Variants in ATXN10 observed in about 807,000 individuals in gnomAD.
ATXN10 encodes the protein ataxin-10.
Under a neutral mutation model 52.9 loss-of-function variants are expected in ATXN10, and 28 were observed. The ratio of observed to expected loss-of-function variants is 0.53; its 90% CI spans 0.39 to 0.73. The LOEUF (loss-of-function observed/expected upper bound fraction) is 0.73, where lower values mean the gene tolerates loss of function less well. Among genes scored for constraint, ATXN10 ranks in the 30% least tolerant of loss-of-function variants. ATXN10 has a pLI of 0.00. For synonymous variants in ATXN10, 226 were observed against 221.5 expected, an observed-to-expected ratio of 1.02 and a Z score of -0.18; for missense variants, 565 against 577.0, an observed-to-expected ratio of 0.98 and a Z score of 0.21.
chr22:45,706,723 A>G (rs1924056341), intron 5 of ATXN10, among the ~76,000 whole-genome samples: 1 of 3,622 alleles, frequency 2.8e-4, no homozygotes, highest in Non-Finnish European at 6.2e-4. Flanking sequence ...CCATGTGGCC[A>G]GAGAACCCAC....
chr22:45,717,129 G>A (rs915179361), intron 5 of ATXN10, among the ~76,000 whole-genome samples: 2 of 151,874 alleles, frequency 1.3e-5, no homozygotes, highest in Non-Finnish European at 2.9e-5. Context: ...AGGGATTGGC[G>A]AAATACCTCC....
intron 10 of ATXN10, among the ~76,000 whole-genome samples, chr22:45,830,338 A>G (rs1419654085): frequency 6.6e-6 from 1 of 152,274 alleles, no homozygotes; most frequent in Non-Finnish European, 1.5e-5. Context: ...AAAAGGAAAA[A>G]TGATAAATTG....
Position 45,781,631 on chromosome 22 carries a change from A to T in ATXN10, c.1174-25328A>T, listed in dbSNP as rs1927153279. 6.6e-6 allele frequency among the ~76,000 whole-genome samples: 1 copy of T among 152,240 alleles called. No homozygotes were observed. Among genetic ancestry groups the T allele is most frequent in the South Asian group, 2.1e-4 (1 of 4,838 alleles). On this transcript the variant is annotated intron_variant, in intron 9 of 11. Coordinates refer to ENST00000252934, the MANE Select transcript of ATXN10 (RefSeq NM_013236.4). The surrounding 1 kb of genome is among the most constrained non-coding windows in gnomAD (Gnocchi z 4.2). Reference sequence around the variant, plus strand: ...TTAAGTGAGCAAAGGCAGTCAACAGATGCCAATACCAAGATGATGACATGG... The same window carrying T: ...TTAAGTGAGCAAAGGCAGTCAACAGTTGCCAATACCAAGATGATGACATGG...
chr22:45,823,715 A>G lies in ATXN10; in HGVS notation c.1237+16693A>G, dbSNP rs1928727472. 6.6e-6 allele frequency among the ~76,000 whole-genome samples: 1 copy of G among 152,152 alleles called. No individual in the cohort carries two copies. Among genetic ancestry groups the G allele is most frequent in the Admixed American group, 6.5e-5 (1 of 15,280 alleles). On this transcript the variant is annotated intron_variant, in intron 10 of 11. Coordinates refer to ENST00000252934, the MANE Select transcript of ATXN10 (RefSeq NM_013236.4). This position sits in a 1 kb window ranked among gnomAD's most constrained non-coding sequence, Gnocchi z 4.9. ...GGATTCAGTCAGTTGCTGTATCATT[A>G]TGTTCATGGATTTATTCGGCAGGTG...
chr22:45,819,315 T>G lies in ATXN10; in HGVS notation c.1237+12293T>G, dbSNP rs550841940. 4.6e-5 allele frequency among the ~76,000 whole-genome samples: 7 copies of G among 152,352 alleles called. No individual in the cohort carries two copies. Among genetic ancestry groups the G allele is most frequent in the Non-Finnish European group, 1.0e-4 (7 of 68,038 alleles). On this transcript the variant is annotated intron_variant, in intron 10 of 11. Coordinates refer to ENST00000252934, the MANE Select transcript of ATXN10 (RefSeq NM_013236.4). The surrounding 1 kb of genome is among the most constrained non-coding windows in gnomAD (Gnocchi z 4.5). ...GTATCTGATGTATAAGATCAGATCA[T>G]AAGCCTAAAGTAGCCTAAAGTATCA...
In ATXN10 at chr22:45,728,722, AGGAGAAG is replaced by A. The variant is rs945836058; in HGVS notation, c.729-701_729-695del. Among the ~76,000 whole-genome samples, 1 of 152,244 alleles carries A rather than the reference AGGAGAAG, an allele frequency of 6.6e-6. No homozygotes were observed. Among genetic ancestry groups the A allele is most frequent in the African/African-American group, 2.4e-5 (1 of 41,462 alleles). Reference sequence around the variant, plus strand: ...GACCTATGTGTGATTCATTTTTCCTAGGAGAAGGAAAGAGATGGTTGAAAAGAAATAT... The same window carrying A: ...GACCTATGTGTGATTCATTTTTCCTAGAAAGAGATGGTTGAAAAGAAATAT... On this transcript the variant is annotated intron_variant, in intron 6 of 11. Transcript: ENST00000252934. The surrounding 1 kb of genome is among the most constrained non-coding windows in gnomAD (Gnocchi z 4.3).
chr22:45,843,216 T>C lies in ATXN10; in HGVS notation c.1425+38T>C. ...GAGGGAACTGTCCTTCCCTTTGGTT[T>C]GTAGAAAGCTGTTTCCACTTCCCCA... On this transcript the variant is annotated intron_variant, in intron 11 of 11. Coordinates refer to ENST00000252934, the MANE Select transcript of ATXN10 (RefSeq NM_013236.4). This position sits in a 1 kb window ranked among gnomAD's most constrained non-coding sequence, Gnocchi z 4.5. The C allele has an allele frequency of 6.2e-7, 1 of 1,606,204 alleles. No individual in the cohort carries two copies. The highest frequency in any genetic ancestry group is 8.5e-7 in the Non-Finnish European group (1 of 1,173,382).
chr22:45,673,344 C>CT (rs1395523665), intron 1 of ATXN10: 2 of 152,232 alleles, frequency 1.3e-5, no homozygotes, highest in East Asian at 3.8e-4. Flanking sequence ...CCTAGGTGAT[C>CT]ACTAGAGGAC....
Position 45,824,439 on chromosome 22 carries a change from C to T in ATXN10, c.1237+17417C>T, listed in dbSNP as rs2046061489. 6.6e-6 allele frequency among the ~76,000 whole-genome samples: 1 copy of T among 152,160 alleles called. No homozygotes were observed. The highest frequency in any genetic ancestry group is 2.4e-5 in the African/African-American group (1 of 41,426). The stretch of plus-strand genomic sequence containing the variant: ...TATGTGTTTATTTCTCTGCATCTAA[C>T]TCTCCTCAAGGCACTAAATTGATAT... On this transcript the variant is annotated intron_variant, in intron 10 of 11. Coordinates refer to ENST00000252934, the MANE Select transcript of ATXN10 (RefSeq NM_013236.4). The surrounding 1 kb of genome is among the most constrained non-coding windows in gnomAD (Gnocchi z 5.2).
At position 45,842,071 on chromosome 22, in the gene ATXN10, TTTG is replaced by T. The variant is rs1383707002; in HGVS notation, c.1238-914_1238-912del. 6.6e-6 allele frequency among the ~76,000 whole-genome samples: 1 copy of T among 152,184 alleles called. No homozygotes were observed. The highest frequency in any genetic ancestry group is 2.4e-5 in the African/African-American group (1 of 41,436). On this transcript the variant is annotated intron_variant, in intron 10 of 11. Transcript: ENST00000252934. The surrounding 1 kb of genome is among the most constrained non-coding windows in gnomAD (Gnocchi z 4.8). ...TAGGTATTTGTTCTACCCTAGGTTC[TTTG>T]TTGTTCTCCCTGGATCAGGGTGCCA...
chr22:45,723,709 A>G (rs1924753035), intron 6 of ATXN10, among the ~76,000 whole-genome samples: 1 of 152,164 alleles, frequency 6.6e-6, no homozygotes, highest in Non-Finnish European at 1.5e-5. Context: ...TAATCCCAGC[A>G]CTTTGGGAGG....
chr22:45,692,896 C>G (rs1923439465), intron 2 of ATXN10, 100 bp from the exon 3 acceptor site: 2 of 946,368 alleles, frequency 2.1e-6, no homozygotes, highest in Admixed American at 3.7e-5. Context: ...TTTGTAATCT[C>G]TGTCAGATTT....
intron 2 of ATXN10, 67 bp from the exon 3 acceptor site, chr22:45,692,928 CA>C: frequency 1.5e-6 from 2 of 1,331,342 alleles, no homozygotes; most frequent in Non-Finnish European, 2.2e-6. Flanking sequence ...CATTGTAGTG[CA>C]AAAACAGCCA....
intron 8 of ATXN10, among the ~76,000 whole-genome samples, chr22:45,739,896 A>G (rs371756315): frequency 1.4e-4 from 22 of 152,322 alleles, no homozygotes; most frequent in Middle Eastern, 3.4e-3. Flanking sequence ...TAGAGAACAT[A>G]TGCTGGCTTC....
chr22:45,779,451 G>T (rs1927070603), intron 9 of ATXN10, among the ~76,000 whole-genome samples: 1 of 152,146 alleles, frequency 6.6e-6, no homozygotes, highest in Non-Finnish European at 1.5e-5. Context: ...GGGTTATGTT[G>T]GGCTTTTGTT....
chr22:45,739,184 A>G (rs1004678062), intron 8 of ATXN10, among the ~76,000 whole-genome samples: 2 of 152,208 alleles, frequency 1.3e-5, no homozygotes, highest in Non-Finnish European at 2.9e-5. Context: ...TTATATTACT[A>G]TAGCTTTGTA....
Position 45,818,723 on chromosome 22 carries a change from A to T in ATXN10, c.1237+11701A>T, listed in dbSNP as rs1239780612. On this transcript the variant is annotated intron_variant, in intron 10 of 11. Transcript: ENST00000252934. This position sits in a 1 kb window ranked among gnomAD's most constrained non-coding sequence, Gnocchi z 4.6. ...CCCTGGACTTGCTCTCGGTTACTTCAGCTGCCTGTCTGCTGCGTTTTCCCA... is the reference window on the plus strand; with the variant it reads ...CCCTGGACTTGCTCTCGGTTACTTCTGCTGCCTGTCTGCTGCGTTTTCCCA... Among the ~76,000 whole-genome samples the T allele has an allele frequency of 6.6e-6, 1 of 151,300 alleles. No homozygotes were observed. The highest frequency in any genetic ancestry group is 1.5e-5 in the Non-Finnish European group (1 of 67,898).
At chr22:45,765,133 C>G (rs1926536625) in intron 9 of ATXN10, among the ~76,000 whole-genome samples, 1 of 152,176 alleles carries the variant, frequency 6.6e-6, no homozygotes, top group Non-Finnish European at 1.5e-5. Context: ...TGTGGAAACA[C>G]TACCGGGAGC....
intron 7 of ATXN10, among the ~76,000 whole-genome samples, chr22:45,735,325 G>T (rs891834837): frequency 6.6e-6 from 1 of 150,948 alleles, no homozygotes; most frequent in East Asian, 2.0e-4. Context: ...ACAGGGTCTC[G>T]CCCTGTTCCC....
Sources: gnomAD v4.1 joint callset for allele counts (sites outside exome capture counted in the v4.1 genomes callset) on GRCh38, gnomAD v4.1.1 for gene constraint, Gnocchi (gnomAD v3.1) non-coding constraint, MANE v1.5 for transcripts, NCBI Gene and HGNC (gene_info 2026-07-23, HGNC 2026-07-21) for gene names.